Variants in TMEM108 observed in about 807,000 individuals in gnomAD.
TMEM108 encodes transmembrane protein 108, also known as cancer/testis antigen 124.
Under a neutral mutation model 35.1 loss-of-function variants are expected in TMEM108, and 12 were observed. The observed-to-expected ratio is 0.34, with a 90% CI of 0.22 to 0.55. The LOEUF (loss-of-function observed/expected upper bound fraction) is 0.55. Among genes scored for constraint, TMEM108 ranks in the 20% least tolerant of loss-of-function variants. TMEM108 has a pLI of 0.89. For missense variants in TMEM108, 680 were observed against 753.3 expected, an observed-to-expected ratio of 0.90 and a Z score of 1.14; for synonymous variants, 287 against 308.6, an observed-to-expected ratio of 0.93 and a Z score of 0.73.
intron 5 of TMEM108, among the ~76,000 whole-genome samples, chr3:133,395,076 T>C (rs1341466601): frequency 6.6e-6 from 1 of 152,226 alleles, no homozygotes; most frequent in Non-Finnish European, 1.5e-5. Flanking sequence ...CCGTAAATGT[T>C]TGCTTGTCCT....
chr3:133,190,373 C>T (rs1241274511), intron 2 of TMEM108, among the ~76,000 whole-genome samples: 1 of 152,152 alleles, frequency 6.6e-6, no homozygotes, highest in Non-Finnish European at 1.5e-5. Context: ...AAAATGACCT[C>T]ATTTTTATGC....
At chr3:133,214,714 C>T (rs1043961645) in intron 2 of TMEM108, among the ~76,000 whole-genome samples, 17 of 152,120 alleles carry the variant, frequency 1.1e-4, no homozygotes, top group Admixed American at 2.0e-4. Flanking sequence ...CAGTCCATGG[C>T]CTGTTAGGAA....
intron 2 of TMEM108, among the ~76,000 whole-genome samples, chr3:133,132,571 C>T (rs1276065851): frequency 2.0e-5 from 3 of 152,120 alleles, no homozygotes; most frequent in African/African-American, 4.8e-5. Context: ...ATTGACAATA[C>T]ACATGGTCAC....
chr3:133,262,455 A>G (rs569214270), intron 3 of TMEM108, among the ~76,000 whole-genome samples: 5 of 152,292 alleles, frequency 3.3e-5, no homozygotes, highest in Non-Finnish European at 5.9e-5. Context: ...CCTCCTCCCT[A>G]CTTTCATTTA....
chr3:133,349,244 G>A (rs1201200569), intron 3 of TMEM108, among the ~76,000 whole-genome samples: 1 of 152,070 alleles, frequency 6.6e-6, no homozygotes, highest in Non-Finnish European at 1.5e-5. Flanking sequence ...CCCATCACAG[G>A]AACATAACAG....
intron 2 of TMEM108, among the ~76,000 whole-genome samples, chr3:133,115,343 C>A (rs770506355): frequency 6.6e-6 from 1 of 152,186 alleles, no homozygotes; most frequent in Non-Finnish European, 1.5e-5. Flanking sequence ...ATAGCAGCAG[C>A]TAAAACTCAC....
Position 133,261,181 on chromosome 3 carries a change from T to C in TMEM108, c.40+31830T>C, listed in dbSNP as rs147040608. ...CATTCATTTATTCATTCATCAAATATGTAATATCTGCTAGGCATAGATAAG... is the reference window on the plus strand; with the variant it reads ...CATTCATTTATTCATTCATCAAATACGTAATATCTGCTAGGCATAGATAAG... On this transcript the variant is annotated intron_variant, in intron 3 of 5. Transcript: ENST00000321871. Among the ~76,000 whole-genome samples, 654 of 152,298 alleles carry C rather than the reference T, an allele frequency of 4.3e-3. 2 individuals are homozygous for C. Among genetic ancestry groups the C allele is most frequent in the African/African-American group, 0.015 (607 of 41,546 alleles).
At chr3:133,097,752 T>C (rs1944033566) in intron 2 of TMEM108, among the ~76,000 whole-genome samples, 1 of 152,240 alleles carries the variant, frequency 6.6e-6, no homozygotes, top group South Asian at 2.1e-4. Context: ...ACTGTTACTT[T>C]TGAGGATGAG....
At chr3:133,174,049 A>G (rs1193302943) in intron 2 of TMEM108, among the ~76,000 whole-genome samples, 6 of 152,230 alleles carry the variant, frequency 3.9e-5, no homozygotes, top group African/African-American at 1.4e-4. Context: ...CCTGGCTCAG[A>G]GGGTCCTATT....
intron 2 of TMEM108, among the ~76,000 whole-genome samples, chr3:133,200,942 A>G (rs1945653959): frequency 6.6e-6 from 1 of 152,272 alleles, no homozygotes; most frequent in Non-Finnish European, 1.5e-5. Flanking sequence ...TAGAATTTAT[A>G]GAACATTTCT....
intron 3 of TMEM108, among the ~76,000 whole-genome samples, chr3:133,264,216 A>G (rs1377813243): frequency 6.6e-6 from 1 of 152,074 alleles, no homozygotes; most frequent in Admixed American, 6.5e-5. Flanking sequence ...CCTAGTCCCA[A>G]CTGCTCAAAC....
At chr3:133,299,390 T>G (rs1947188007) in intron 3 of TMEM108, among the ~76,000 whole-genome samples, 1 of 152,176 alleles carries the variant, frequency 6.6e-6, no homozygotes, top group African/African-American at 2.4e-5. Flanking sequence ...TCAAGCCGTG[T>G]TCTCTAGAAT....
chr3:133,253,926 G>C (rs1946507542), intron 3 of TMEM108, among the ~76,000 whole-genome samples: 1 of 152,254 alleles, frequency 6.6e-6, no homozygotes, highest in East Asian at 1.9e-4. Context: ...CAACAAATTC[G>C]GGAGGTAACT....
At chr3:133,163,144 A>G (rs77841071) in intron 2 of TMEM108, among the ~76,000 whole-genome samples, 24 of 152,306 alleles carry the variant, frequency 1.6e-4, no homozygotes, top group Non-Finnish European at 3.1e-4. Context: ...CAAGCTAAAG[A>G]GCTACACATA....
At chr3:133,360,132 A>G (rs1328067113) in intron 3 of TMEM108, among the ~76,000 whole-genome samples, 3 of 152,152 alleles carry the variant, frequency 2.0e-5, no homozygotes, top group African/African-American at 7.2e-5. Flanking sequence ...GTAAAAATCT[A>G]GAACACACAA....
At chr3:133,114,797 G>A (rs907402002) in intron 2 of TMEM108, among the ~76,000 whole-genome samples, 2 of 152,036 alleles carry the variant, frequency 1.3e-5, no homozygotes, top group African/African-American at 4.8e-5. Flanking sequence ...TTGTATGGAG[G>A]CCCATTTTCC....
intron 3 of TMEM108, among the ~76,000 whole-genome samples, chr3:133,344,314 T>G (rs1416486480): frequency 2.0e-5 from 3 of 151,772 alleles, no homozygotes; most frequent in African/African-American, 7.2e-5. Flanking sequence ...AAGTTAAAAA[T>G]TCAAATATCG....
chr3:133,040,206 GTT>G (rs375124979), intron 1 of TMEM108, among the ~76,000 whole-genome samples: 2 of 129,938 alleles, frequency 1.5e-5, no homozygotes, highest in Admixed American at 7.7e-5. Context: ...TTGTTTGTTT[GTT>G]TTTTTTTTTT....
intron 2 of TMEM108, among the ~76,000 whole-genome samples, chr3:133,086,215 A>G (rs1943879943): frequency 6.6e-6 from 1 of 152,030 alleles, no homozygotes; most frequent in Non-Finnish European, 1.5e-5. Flanking sequence ...CCTATCCATC[A>G]TTGAAATCAG....
Sources: allele counts gnomAD v4.1 joint callset (sites outside exome capture counted in the v4.1 genomes callset), GRCh38; gene constraint gnomAD v4.1.1; transcripts MANE v1.5; gene names NCBI Gene and HGNC (gene_info 2026-07-23, HGNC 2026-07-21).